Variants in RBFOX1 observed in about 807,000 individuals in gnomAD.
RBFOX1 encodes the protein RNA binding protein fox-1 homolog 1.
In RBFOX1, 8 loss-of-function variants were observed where a neutral mutation model predicts 57.7. That is an observed-to-expected ratio of 0.14 (90% confidence interval 0.08 to 0.25). RBFOX1 has a LOEUF of 0.25. Ranked by LOEUF, RBFOX1 falls within the 10% of genes least tolerant of loss-of-function variation. The pLI is 1.00. For missense variants in RBFOX1, 611 were observed against 548.5 expected, an observed-to-expected ratio of 1.11 and a Z score of -1.14; for synonymous variants, 326 against 222.4, an observed-to-expected ratio of 1.47 and a Z score of -4.15.
intron 2 of RBFOX1, among the ~76,000 whole-genome samples, chr16:6,508,717 A>G (rs1010737510): frequency 8.5e-5 from 13 of 152,252 alleles, no homozygotes; most frequent in African/African-American, 3.1e-4. Flanking sequence ...TCATCCTAAA[A>G]TTCTCTACGC....
chr16:7,458,767 T>C (rs1289970452), intron 4 of RBFOX1, among the ~76,000 whole-genome samples: 5 of 152,272 alleles, frequency 3.3e-5, no homozygotes, highest in South Asian at 4.1e-4. Context: ...GACTCCTCCA[T>C]TAAAATCAGA....
chr16:6,818,022 C>G (rs2090480972), intron 3 of RBFOX1, among the ~76,000 whole-genome samples: 1 of 152,128 alleles, frequency 6.6e-6, no homozygotes, highest in African/African-American at 2.4e-5. Flanking sequence ...AGTGGCTAAA[C>G]TTTTTGTGTC....
At chr16:7,591,832 A>G (rs1180038093) in intron 7 of RBFOX1, among the ~76,000 whole-genome samples, 1 of 152,138 alleles carries the variant, frequency 6.6e-6, no homozygotes, top group African/African-American at 2.4e-5. Flanking sequence ...CTTTTTAAAA[A>G]CTGCAAATTG....
intron 5 of RBFOX1, among the ~76,000 whole-genome samples, chr16:7,557,222 G>A (rs1213114097): frequency 6.6e-6 from 1 of 152,092 alleles, no homozygotes; most frequent in Non-Finnish European, 1.5e-5. Flanking sequence ...TCTTCCTATA[G>A]CTGAGGGCTT....
At chr16:6,388,464 A>G (rs940730353) in intron 2 of RBFOX1, among the ~76,000 whole-genome samples, 4 of 152,032 alleles carry the variant, frequency 2.6e-5, no homozygotes, top group Non-Finnish European at 5.9e-5. Flanking sequence ...GTTTGTTTTT[A>G]TTTTTACTTA....
chr16:5,830,614 A>G (rs1165864384), intron 3 of RBFOX1, among the ~76,000 whole-genome samples: 1 of 152,094 alleles, frequency 6.6e-6, no homozygotes, highest in Non-Finnish European at 1.5e-5. Context: ...GGAGGTGAGA[A>G]AAGATGTATG....
chr16:5,320,308 AC>A (rs2064367198), intron 1 of RBFOX1, among the ~76,000 whole-genome samples: 1 of 152,162 alleles, frequency 6.6e-6, no homozygotes, highest in African/African-American at 2.4e-5. Flanking sequence ...TGAGGTCATA[AC>A]TCTAGACAAA....
intron 2 of RBFOX1, among the ~76,000 whole-genome samples, chr16:5,477,391 G>A (rs965980882): frequency 6.6e-6 from 1 of 152,134 alleles, no homozygotes; most frequent in African/African-American, 2.4e-5. Context: ...ATTATCTCAC[G>A]ACCAATCAAA....
At chr16:5,840,359 A>C (rs901265356) in intron 3 of RBFOX1, among the ~76,000 whole-genome samples, 1 of 152,144 alleles carries the variant, frequency 6.6e-6, no homozygotes, top group African/African-American at 2.4e-5. Context: ...CCACACCCAG[A>C]GAGGCCACCC....
chr16:5,731,939 C>T (rs9929033), intron 3 of RBFOX1, among the ~76,000 whole-genome samples: 5,483 of 152,252 alleles, frequency 0.036, 249 homozygotes, highest in East Asian at 0.15. Context: ...AATGGAAGGT[C>T]CTCTCTCCTG....
intron 3 of RBFOX1, among the ~76,000 whole-genome samples, chr16:5,714,239 A>G (rs992385711): frequency 1.3e-5 from 2 of 152,218 alleles, no homozygotes; most frequent in Non-Finnish European, 2.9e-5. Context: ...GAATCTGCAC[A>G]TAGTCATGTA....
In RBFOX1 at chr16:5,968,396, C is replaced by T. The variant is rs895260039; in HGVS notation, c.351+101061C>T. Among the ~76,000 whole-genome samples, 4 of 152,128 alleles carry T rather than the reference C, an allele frequency of 2.6e-5. No individual in the cohort carries two copies. The South Asian group carries it at 6.2e-4, about 24-fold the overall frequency. On this transcript the variant is annotated intron_variant, in intron 4 of 19. Coordinates refer to the RBFOX1 transcript ENST00000641259. ...GCCTCTCCAGTACATTTTTAGGGGA[C>T]GATCAATGAGGATTCTCTTCTCTGA...
At chr16:6,352,152 A>G (rs188706261) in intron 2 of RBFOX1, among the ~76,000 whole-genome samples, 2 of 152,178 alleles carry the variant, frequency 1.3e-5, no homozygotes, top group African/African-American at 2.4e-5. Context: ...GCAACCAGCT[A>G]TCTCAAGTCC....
chr16:6,783,554 T>C (rs2081393470), intron 3 of RBFOX1, among the ~76,000 whole-genome samples: 2 of 152,050 alleles, frequency 1.3e-5, no homozygotes, highest in Admixed American at 1.3e-4. Flanking sequence ...TTTATCTCCA[T>C]CTCCTGCAGT....
chr16:5,395,311 C>T (rs1468128539), intron 1 of RBFOX1, among the ~76,000 whole-genome samples: 1 of 152,244 alleles, frequency 6.6e-6, no homozygotes, highest in Non-Finnish European at 1.5e-5. Context: ...TTCGTACATT[C>T]TTCTGTTAGA....
intron 3 of RBFOX1, among the ~76,000 whole-genome samples, chr16:6,824,083 G>A (rs1339164329): frequency 6.6e-6 from 1 of 152,184 alleles, no homozygotes; most frequent in Admixed American, 6.5e-5. Context: ...TGTAGTAATG[G>A]AATGGTGAAG....
intron 3 of RBFOX1, among the ~76,000 whole-genome samples, chr16:6,763,444 C>A (rs1027269620): frequency 6.6e-6 from 1 of 152,190 alleles, no homozygotes; most frequent in Non-Finnish European, 1.5e-5. Flanking sequence ...GGCCTGTACA[C>A]CTGTCTTATT....
At chr16:6,025,634 A>G (rs2095176480) in intron 1 of RBFOX1, among the ~76,000 whole-genome samples, 1 of 152,170 alleles carries the variant, frequency 6.6e-6, no homozygotes, top group South Asian at 2.1e-4. Context: ...CTGTCCGGGT[A>G]GGTTCCCTTT....
chr16:6,185,424 C>G (rs1318622940), intron 1 of RBFOX1, among the ~76,000 whole-genome samples: 9 of 152,202 alleles, frequency 5.9e-5, no homozygotes, highest in Non-Finnish European at 1.2e-4. Context: ...CTCCATTTTA[C>G]AATGAAGAAA....
Sources: allele counts gnomAD v4.1 joint callset (sites outside exome capture counted in the v4.1 genomes callset), GRCh38; gene constraint gnomAD v4.1.1; transcripts MANE v1.5; gene names NCBI Gene and HGNC (gene_info 2026-07-23, HGNC 2026-07-21).